Variants in ATG16L1 observed in about 807,000 individuals in gnomAD.
The protein encoded by ATG16L1 is autophagy related 16 like 1.
ATG16L1 carries 37 observed loss-of-function variants against 88.5 expected under a neutral mutation model. The ratio of observed to expected loss-of-function variants is 0.42; its 90% CI spans 0.32 to 0.55. The LOEUF is 0.55. ATG16L1 is among the 20% of genes least tolerant of loss of function. The pLI is 0.13. For synonymous variants in ATG16L1, 301 were observed against 281.0 expected (o/e 1.07, Z -0.71); for missense variants, 554 against 752.8 (o/e 0.74, Z 3.09).
At chr2:233,269,579 A>G (rs371755365) in intron 5 of ATG16L1, among the ~76,000 whole-genome samples, 1 of 152,242 alleles carries the variant, frequency 6.6e-6, no homozygotes. Context: ...ATCTGAGAAA[A>G]TTCGAAATCT....
At chr2:233,263,705 C>G (rs1162019355) in intron 3 of ATG16L1, among the ~76,000 whole-genome samples, 4 of 152,184 alleles carry the variant, frequency 2.6e-5, no homozygotes, top group Admixed American at 2.6e-4. Context: ...AATTGATTAT[C>G]TTTTCAGCAG....
chr2:233,281,911 C>A (rs1308616765), intron 11 of ATG16L1, among the ~76,000 whole-genome samples: 1 of 152,112 alleles, frequency 6.6e-6, no homozygotes, highest in East Asian at 1.9e-4. Flanking sequence ...ATATCTGTTT[C>A]TTTTACTAAG....
At chr2:233,273,820 C>T (rs1444670080) in intron 8 of ATG16L1, 43 bp downstream of exon 8, 4 of 1,588,068 alleles carry the variant, frequency 2.5e-6, no homozygotes, top group East Asian at 2.2e-5. Flanking sequence ...TATAAGTATA[C>T]CTAAGTATAT....
chr2:233,285,185 A>T (rs1277837654), intron 12 of ATG16L1, among the ~76,000 whole-genome samples: 1 of 152,230 alleles, frequency 6.6e-6, no homozygotes, highest in Non-Finnish European at 1.5e-5. Context: ...GTATACTGTG[A>T]TTTATCTATC....
chr2:233,282,539 C>A, intron 11 of ATG16L1, 143 bp from the exon 12 acceptor site: 1 of 711,326 alleles, frequency 1.4e-6, no homozygotes, highest in Non-Finnish European at 2.5e-6. Flanking sequence ...AGCACACTCA[C>A]GACAGTAGCT....
chr2:233,280,352 T>C (rs1698641559), intron 10 of ATG16L1, among the ~76,000 whole-genome samples: 1 of 152,216 alleles, frequency 6.6e-6, no homozygotes, highest in Non-Finnish European at 1.5e-5. Context: ...ATCATTGAGA[T>C]TTTTGCTCTT....
At chr2:233,281,842 CTGAG>C (rs1427499376) in intron 11 of ATG16L1, among the ~76,000 whole-genome samples, 1 of 152,084 alleles carries the variant, frequency 6.6e-6, no homozygotes, top group Non-Finnish European at 1.5e-5. Flanking sequence ...CCTGGGTGGG[CTGAG>C]TGTCTATGTT....
chr2:233,293,225 A>G (rs767582531), intron 16 of ATG16L1, 31 bp from the exon 17 acceptor site: 1 of 1,595,234 alleles, frequency 6.3e-7, no homozygotes, highest in Non-Finnish European at 8.6e-7. Context: ...TGGGGAATTG[A>G]CAACCTTTCT....
intron 5 of ATG16L1, among the ~76,000 whole-genome samples, chr2:233,266,694 C>A (rs1344937970): frequency 6.6e-6 from 1 of 152,194 alleles, no homozygotes; most frequent in Non-Finnish European, 1.5e-5. Flanking sequence ...TTTGTGGCAG[C>A]ACCATTCACA....
chr2:233,258,527 A>G (rs1056219146), intron 2 of ATG16L1, among the ~76,000 whole-genome samples: 2 of 152,224 alleles, frequency 1.3e-5, no homozygotes, highest in African/African-American at 2.4e-5. Flanking sequence ...TATTTTGGTT[A>G]ATTTTAGGTG....
intron 8 of ATG16L1, 178 bp downstream of exon 8, chr2:233,273,955 T>G: frequency 6.5e-7 from 1 of 1,548,560 alleles, no homozygotes; most frequent in Non-Finnish European, 8.7e-7. Flanking sequence ...TTCCTCTTAA[T>G]CTCGCTGCGT....
At chr2:233,255,387 C>G (rs1228242127) in intron 1 of ATG16L1, among the ~76,000 whole-genome samples, 3 of 152,202 alleles carry the variant, frequency 2.0e-5, no homozygotes, top group Non-Finnish European at 4.4e-5. Context: ...TAAGCTCTCC[C>G]CTCTTGTGTT....
rs182989661 is a variant in ATG16L1 at position 233,270,144 on chromosome 2, T to G, written c.707+77T>G. 4.9e-4 allele frequency: 699 copies of G among 1,431,312 alleles called. 2 individuals carry two copies. In the African/African-American group the frequency reaches 5.0e-3, roughly 10 times the overall value. The allele number at this position is 1,431,312 out of a possible 1,614,324, so 88.7% of individuals were successfully genotyped here. On this transcript the variant is annotated intron_variant, in intron 6 of 17. Transcript: ENST00000392017. ...TAAAAGTTTTGTTTTTATTTTTTTT[T>G]TTGTTTGGTTTTTTTTGAGACAGGG...
intron 12 of ATG16L1, among the ~76,000 whole-genome samples, chr2:233,286,241 G>T (rs1370464419): frequency 1.3e-5 from 2 of 152,058 alleles, no homozygotes; most frequent in Non-Finnish European, 2.9e-5. Context: ...TAGAAATAGG[G>T]GTCGGCACTC....
At chr2:233,288,504 A>G (rs1180718811) in intron 12 of ATG16L1, among the ~76,000 whole-genome samples, 1 of 151,758 alleles carries the variant, frequency 6.6e-6, no homozygotes, top group African/African-American at 2.4e-5. Flanking sequence ...CTGGTCTCAA[A>G]CTCCTGGGCT....
rs182244757 is a variant in ATG16L1 at position 233,265,714 on chromosome 2, C to T, written c.641+571C>T. Among the ~76,000 whole-genome samples the T allele has an allele frequency of 7.2e-5, 11 of 152,222 alleles. No homozygotes were observed. In the South Asian group the frequency reaches 1.7e-3, roughly 23 times the overall value. On this transcript the variant is annotated intron_variant, in intron 5 of 17. Coordinates refer to ENST00000392017, the MANE Select transcript of ATG16L1 (RefSeq NM_030803.7). ...CAAACTCCTGACCTCAGGATCCACCCGCCTCGGCCTCCCAAAGTGCTGGGA... is the reference window on the plus strand; with the variant it reads ...CAAACTCCTGACCTCAGGATCCACCTGCCTCGGCCTCCCAAAGTGCTGGGA...
At chr2:233,256,619 T>C (rs548319814) in intron 2 of ATG16L1, among the ~76,000 whole-genome samples, 1 of 152,248 alleles carries the variant, frequency 6.6e-6, no homozygotes, top group African/African-American at 2.4e-5. Flanking sequence ...ATTTGATCCT[T>C]TTTAGGTTGG....
chr2:233,256,340 C>T, intron 2 of ATG16L1, 145 bp downstream of exon 2: 1 of 699,406 alleles, frequency 1.4e-6, no homozygotes, highest in Admixed American at 2.8e-5. Flanking sequence ...AGAACTAAAA[C>T]CATGTAATTA....
intron 1 of ATG16L1, among the ~76,000 whole-genome samples, chr2:233,253,129 A>G (rs1031095508): frequency 2.0e-5 from 3 of 152,140 alleles, no homozygotes; most frequent in African/African-American, 7.2e-5. Flanking sequence ...ATGCCAAGTT[A>G]TCAGTGTTTT....
Sources: gnomAD v4.1 joint callset for allele counts (sites outside exome capture counted in the v4.1 genomes callset) on GRCh38, gnomAD v4.1.1 for gene constraint, MANE v1.5 for transcripts, NCBI Gene and HGNC (gene_info 2026-07-23, HGNC 2026-07-21) for gene names.